Variants in SND1 observed in about 807,000 individuals in gnomAD.
The protein encoded by SND1 is staphylococcal nuclease and tudor domain containing 1.
A neutral mutation model predicts 121.7 loss-of-function variants in SND1; 38 were observed. The observed-to-expected ratio is 0.31, with a 90% confidence interval of 0.24 to 0.41. The LOEUF (loss-of-function observed/expected upper bound fraction) is 0.41, where lower values mean the gene tolerates loss of function less well. Among genes scored for constraint, SND1 ranks in the 10% least tolerant of loss-of-function variants. The pLI is 1.00. For missense variants in SND1, 868 were observed against 1,184.6 expected (o/e 0.73, Z 3.92); for synonymous variants, 401 against 447.4 (o/e 0.90, Z 1.31).
At chr7:127,654,213 T>C (rs767407531) in intron 1 of SND1, among the ~76,000 whole-genome samples, 6 of 152,242 alleles carry the variant, frequency 3.9e-5, no homozygotes, top group Non-Finnish European at 8.8e-5. Flanking sequence ...ATTACCCCCA[T>C]GGATACTGAA....
At chr7:127,855,127 A>G (rs1483093182) in intron 12 of SND1, among the ~76,000 whole-genome samples, 2 of 151,548 alleles carry the variant, frequency 1.3e-5, no homozygotes, top group East Asian at 3.9e-4. Flanking sequence ...GATTCTATGG[A>G]ATTTTTTTTG....
intron 15 of SND1, among the ~76,000 whole-genome samples, chr7:127,983,381 T>C (rs1461447998): frequency 6.6e-6 from 1 of 152,164 alleles, no homozygotes; most frequent in Non-Finnish European, 1.5e-5. Context: ...GTGCAGTCTA[T>C]AGAAAGGAGA....
At chr7:127,705,849 T>C (rs1054555965) in intron 8 of SND1, among the ~76,000 whole-genome samples, 6 of 152,238 alleles carry the variant, frequency 3.9e-5, no homozygotes, top group Non-Finnish European at 5.9e-5. Flanking sequence ...TCTTGATAAC[T>C]ACATTTTTGT....
chr7:127,847,954 A>G (rs62481419), intron 12 of SND1, among the ~76,000 whole-genome samples: 43,242 of 152,064 alleles, frequency 0.28, 7,734 homozygotes, highest in East Asian at 0.7. Context: ...AAACTTGGCC[A>G]TTTAGGATAA....
intron 10 of SND1, among the ~76,000 whole-genome samples, chr7:127,744,620 G>A (rs1454423676): frequency 6.6e-6 from 1 of 152,110 alleles, no homozygotes; most frequent in Non-Finnish European, 1.5e-5. Context: ...TTTTCTCAAA[G>A]GAATCACCTA....
chr7:127,945,000 C>T (rs1028198219), intron 15 of SND1, among the ~76,000 whole-genome samples: 7 of 152,152 alleles, frequency 4.6e-5, no homozygotes, highest in African/African-American at 1.7e-4. Flanking sequence ...ACTACATCCC[C>T]CTCTATCACT....
At chr7:128,069,756 A>G (rs1457217066) in intron 16 of SND1, among the ~76,000 whole-genome samples, 1 of 152,200 alleles carries the variant, frequency 6.6e-6, no homozygotes, top group African/African-American at 2.4e-5. Flanking sequence ...TGATGTTGCA[A>G]TCCCAGTTTT....
chr7:128,028,018 C>G (rs3808058), intron 16 of SND1: 1 of 152,628 alleles, frequency 6.6e-6, no homozygotes, highest in Non-Finnish European at 1.5e-5. Context: ...CACAGACCCC[C>G]AAGACTTGTG....
intron 1 of SND1, among the ~76,000 whole-genome samples, chr7:127,653,377 T>A (rs1192039969): frequency 2.0e-5 from 3 of 152,234 alleles, no homozygotes; most frequent in Non-Finnish European, 4.4e-5. Context: ...TTTACCAATT[T>A]TCTGGTTTAT....
Position 127,821,932 on chromosome 7 carries a change from AATT to A in SND1, c.1242+14363_1242+14365del, listed in dbSNP as rs1274950901. ...ATTATATAAAATGGGCAGACATTTGAATTATTTAACATCCCTTTTATCTTTTAG... is the reference window on the plus strand; with the variant it reads ...ATTATATAAAATGGGCAGACATTTGAATTTAACATCCCTTTTATCTTTTAG... On this transcript the variant is annotated intron_variant, in intron 11 of 23. Transcript: ENST00000354725. Among the ~76,000 whole-genome samples, 10 of 152,328 alleles carry A rather than the reference AATT, an allele frequency of 6.6e-5. No individual in the cohort carries two copies. The East Asian group carries it at 1.9e-3, about 29-fold the overall frequency.
At chr7:127,723,024 G>A (rs1029962763) in intron 10 of SND1, among the ~76,000 whole-genome samples, 3 of 152,166 alleles carry the variant, frequency 2.0e-5, no homozygotes, top group Admixed American at 1.3e-4. Flanking sequence ...TGGAATTAAG[G>A]TTCCCACAGC....
At chr7:127,919,353 T>A (rs1470403656) in intron 14 of SND1, among the ~76,000 whole-genome samples, 1 of 152,210 alleles carries the variant, frequency 6.6e-6, no homozygotes, top group Admixed American at 6.5e-5. Flanking sequence ...AGTTCTTGAT[T>A]TGCCCATGAA....
At chr7:128,044,273 A>G (rs1284028946) in intron 16 of SND1, among the ~76,000 whole-genome samples, 1 of 152,220 alleles carries the variant, frequency 6.6e-6, no homozygotes, top group Non-Finnish European at 1.5e-5. Flanking sequence ...GTGGTCAAGG[A>G]GCTTTGCAGC....
chr7:127,866,202 C>T (rs933099368), intron 12 of SND1, among the ~76,000 whole-genome samples: 1 of 152,176 alleles, frequency 6.6e-6, no homozygotes, highest in African/African-American at 2.4e-5. Context: ...ACCTAGACAA[C>T]TCATTTTGAA....
At chr7:127,786,789 G>A (rs922430686) in intron 10 of SND1, among the ~76,000 whole-genome samples, 24 of 152,078 alleles carry the variant, frequency 1.6e-4, no homozygotes, top group Middle Eastern at 3.4e-3. Context: ...GACTACAGGC[G>A]CGCGCCACCA....
At chr7:127,889,001 C>T (rs1389218432) in intron 13 of SND1, among the ~76,000 whole-genome samples, 1 of 152,074 alleles carries the variant, frequency 6.6e-6, no homozygotes, top group Non-Finnish European at 1.5e-5. Context: ...CCTCTAACAC[C>T]GTGTCACATC....
chr7:128,084,263 A>G (rs980043008), intron 18 of SND1, among the ~76,000 whole-genome samples: 2 of 152,242 alleles, frequency 1.3e-5, no homozygotes, highest in African/African-American at 4.8e-5. Flanking sequence ...GACAGTAGAC[A>G]GTGGCTTCTG....
At chr7:127,764,056 A>AAAAAAAAAAAAAAAAAAAAC (rs1554422863) in intron 10 of SND1, among the ~76,000 whole-genome samples, 2 of 135,218 alleles carry the variant, frequency 1.5e-5, no homozygotes, top group African/African-American at 2.6e-5. Context: ...AAAAAAACAA[A>AAAAAAAAAAAAAAAAAAAAC]AAAACAAAAA....
At chr7:127,695,524 T>C (rs940378500) in intron 3 of SND1, among the ~76,000 whole-genome samples, 2 of 152,128 alleles carry the variant, frequency 1.3e-5, no homozygotes, top group East Asian at 1.9e-4. Context: ...TTGTAAGTTA[T>C]TGAGAGAGTT....
Sources: allele counts gnomAD v4.1 joint callset (sites outside exome capture counted in the v4.1 genomes callset), GRCh38; gene constraint gnomAD v4.1.1; transcripts MANE v1.5; gene names NCBI Gene and HGNC (gene_info 2026-07-23, HGNC 2026-07-21).